GNA12: variants seen among roughly 807,000 people sequenced by gnomAD.
GNA12 encodes guanine nucleotide-binding protein subunit alpha-12.
A neutral mutation model predicts 26.0 loss-of-function variants in GNA12; 9 were observed. The observed-to-expected ratio is 0.35, with a 90% CI of 0.21 to 0.60. The LOEUF (loss-of-function observed/expected upper bound fraction) is 0.60, where lower values mean the gene tolerates loss of function less well. Among genes scored for constraint, GNA12 ranks in the 20% least tolerant of loss-of-function variants. The pLI, the probability that GNA12 is intolerant of heterozygous loss-of-function variation, is 0.78. For synonymous variants in GNA12, 264 were observed against 219.6 expected (o/e 1.20, Z -1.79); for missense variants, 405 against 525.8 (o/e 0.77, Z 2.25).
chr7:2,754,922 G>A (rs1054761942), intron 2 of GNA12, among the ~76,000 whole-genome samples: 3 of 152,164 alleles, frequency 2.0e-5, no homozygotes, highest in Non-Finnish European at 4.4e-5. Flanking sequence ...AGAGTTCTGC[G>A]CTTTACACTG....
At chr7:2,799,346 G>A (rs1210420693) in intron 1 of GNA12, among the ~76,000 whole-genome samples, 1 of 152,214 alleles carries the variant, frequency 6.6e-6, no homozygotes, top group Non-Finnish European at 1.5e-5. Context: ...TTGTGAGGCT[G>A]AGGGGAGAGG....
chr7:2,811,349 C>T (rs371020874), intron 1 of GNA12, among the ~76,000 whole-genome samples: 5 of 152,160 alleles, frequency 3.3e-5, no homozygotes, highest in Non-Finnish European at 5.9e-5. Context: ...GATGACACCG[C>T]GGCTCACACA....
At chr7:2,820,024 G>C (rs1793314729) in intron 1 of GNA12, among the ~76,000 whole-genome samples, 2 of 152,206 alleles carry the variant, frequency 1.3e-5, no homozygotes, top group Admixed American at 6.5e-5. Flanking sequence ...TAGCAAAAGG[G>C]AATGCTATTC....
rs1404912636 is a variant in GNA12, at chr7:2,795,872, G to A, written c.310-729C>T. On this transcript the variant is annotated intron_variant, in intron 1 of 3. Coordinates refer to ENST00000275364, the MANE Select transcript of GNA12 (RefSeq NM_007353.3). Reference sequence around the variant, plus strand: ...TTCACTCTTTTTGCCCTGGCCTGGAGTGCAATGGAGTGATCTCGGCTCACT... The same window carrying A: ...TTCACTCTTTTTGCCCTGGCCTGGAATGCAATGGAGTGATCTCGGCTCACT... 3.3e-5 allele frequency among the ~76,000 whole-genome samples: 5 copies of A among 150,468 alleles called. No individual in the cohort carries two copies. The South Asian group carries it at 6.3e-4, about 19-fold the overall frequency.
At chr7:2,795,449 A>G (rs1792636875) in intron 1 of GNA12, among the ~76,000 whole-genome samples, 1 of 152,130 alleles carries the variant, frequency 6.6e-6, no homozygotes, top group Non-Finnish European at 1.5e-5. Flanking sequence ...TGGGCAACAG[A>G]GCAAGACCCT....
chr7:2,793,059 C>T (rs953415518), intron 2 of GNA12, among the ~76,000 whole-genome samples: 5 of 152,222 alleles, frequency 3.3e-5, no homozygotes, highest in Non-Finnish European at 1.5e-5. Flanking sequence ...GGCACGCCTG[C>T]GGTTTCTGTG....
In GNA12 at chr7:2,805,653, G is replaced by A. The variant is rs1792928813; in HGVS notation, c.310-10510C>T. Among the ~76,000 whole-genome samples the A allele has an allele frequency of 2.0e-5, 3 of 152,238 alleles. No individual in the cohort carries two copies. The South Asian group carries it at 6.2e-4, about 32-fold the overall frequency. ...GCACGGAGACTAGAGCCAGAGCTGA[G>A]CTGACCTCTGAGGACCCAACACTTC... On this transcript the variant is annotated intron_variant, in intron 1 of 3. Coordinates refer to ENST00000275364, the MANE Select transcript of GNA12 (RefSeq NM_007353.3).
intron 2 of GNA12, among the ~76,000 whole-genome samples, chr7:2,735,507 G>A (rs1361677943): frequency 6.6e-6 from 1 of 152,152 alleles, no homozygotes; most frequent in Admixed American, 6.5e-5. Flanking sequence ...GCACCACAGA[G>A]GGCACAATCA....
At chr7:2,764,615 G>A (rs1257945115) in intron 2 of GNA12, 1 of 152,230 alleles carries the variant, frequency 6.6e-6, no homozygotes, top group East Asian at 1.9e-4. Flanking sequence ...AGGGAGCCAG[G>A]GCCTGTCAGC....
intron 1 of GNA12, among the ~76,000 whole-genome samples, chr7:2,809,325 C>T (rs1316448749): frequency 1.8e-4 from 27 of 152,184 alleles, no homozygotes; most frequent in Admixed American, 1.3e-3. Context: ...TACCTCATAC[C>T]TGCAGTGAGG....
chr7:2,809,108 A>T (rs946337730), intron 1 of GNA12, among the ~76,000 whole-genome samples: 9 of 151,978 alleles, frequency 5.9e-5, no homozygotes, highest in African/African-American at 2.2e-4. Flanking sequence ...TACTTCCTTG[A>T]CCACTTCCGG....
chr7:2,744,520 C>T lies in GNA12; in HGVS notation c.526-11019G>A, dbSNP rs532273420. Among the ~76,000 whole-genome samples, 210 of 152,224 alleles carry T rather than the reference C, an allele frequency of 1.4e-3. 2 individuals carry two copies. Among genetic ancestry groups the T allele is most frequent in the African/African-American group, 4.6e-3 (189 of 41,536 alleles). ...CATCCACACCAAAAACCCATCTGTA[C>T]GTCACCATCATCAAAGACCAAAGGT... is the stretch of plus-strand genomic sequence containing the variant. On this transcript the variant is annotated intron_variant, in intron 2 of 3. Transcript: ENST00000275364.
At chr7:2,733,840 C>T (rs1401819511) in intron 2 of GNA12, among the ~76,000 whole-genome samples, 1 of 152,164 alleles carries the variant, frequency 6.6e-6, no homozygotes, top group Non-Finnish European at 1.5e-5. Flanking sequence ...GCCATGCGGC[C>T]AGCAAAGGAC....
chr7:2,813,921 C>A (rs189939998), intron 1 of GNA12, among the ~76,000 whole-genome samples: 1 of 152,108 alleles, frequency 6.6e-6, no homozygotes, highest in African/African-American at 2.4e-5. Flanking sequence ...GACTGCCCTC[C>A]CCAAGTGGCT....
chr7:2,746,509 AT>A (rs1296688109), intron 2 of GNA12, among the ~76,000 whole-genome samples: 1 of 152,110 alleles, frequency 6.6e-6, no homozygotes, highest in African/African-American at 2.4e-5. Context: ...TCTGGGACAC[AT>A]TCAAAGCAGT....
rs1262468448 is a variant in GNA12, at chr7:2,731,270, C to T, written c.1057G>A (p.Ala353Thr). The change falls in exon 4 of 4, where the codon GCC becomes ACC. Residue 353 changes from alanine to threonine, a missense_variant. Ala to Thr is a moderately conservative substitution (Grantham distance 58, BLOSUM62 0). Transcript: ENST00000275364. The surrounding 1 kb of genome is among the most constrained non-coding windows in gnomAD (Gnocchi z 6.0). ...SKPLFHHFTT[A>T]IDTENVRFVF... Reference sequence around the variant, plus strand: ...AAGCGGACGTTCTCGGTGTCGATGGCGGTGGTGAAGTGGTGGAAGAGTGGC... The same window carrying T: ...AAGCGGACGTTCTCGGTGTCGATGGTGGTGGTGAAGTGGTGGAAGAGTGGC... The T allele has an allele frequency of 6.2e-6, 10 of 1,613,314 alleles. No individual in the cohort carries two copies. Among genetic ancestry groups the T allele is most frequent in the African/African-American group, 1.3e-5 (1 of 74,716 alleles).
At chr7:2,791,405 A>C (rs749852480) in intron 2 of GNA12, among the ~76,000 whole-genome samples, 58 of 152,322 alleles carry the variant, frequency 3.8e-4, no homozygotes, top group African/African-American at 1.3e-3. Flanking sequence ...GAAGATTTCC[A>C]TCCCCCACCC....
chr7:2,830,862 G>C (rs921326212), intron 1 of GNA12, among the ~76,000 whole-genome samples: 2 of 152,160 alleles, frequency 1.3e-5, no homozygotes, highest in African/African-American at 4.8e-5. Flanking sequence ...GATCACTTGA[G>C]CCCAGGAGGT....
At chr7:2,763,707 G>A (rs967822645) in intron 2 of GNA12, among the ~76,000 whole-genome samples, 1 of 152,224 alleles carries the variant, frequency 6.6e-6, no homozygotes, top group South Asian at 2.1e-4. Context: ...GCTTGTCCAG[G>A]AAACCAAAGC....
Sources: gnomAD v4.1 joint callset for allele counts (sites outside exome capture counted in the v4.1 genomes callset) on GRCh38, gnomAD v4.1.1 for gene constraint, Gnocchi (gnomAD v3.1) non-coding constraint, MANE v1.5 for transcripts, NCBI Gene and HGNC (gene_info 2026-07-23, HGNC 2026-07-21) for gene names.